SPOUT1: variants seen among roughly 807,000 people sequenced by gnomAD.
The protein encoded by SPOUT1 is 28S rRNA (uridine-N(3))-methyltransferase.
SPOUT1 carries 40 observed loss-of-function variants against 54.8 expected under a neutral mutation model. That is an observed-to-expected ratio of 0.73 (90% confidence interval 0.57 to 0.95). The LOEUF (loss-of-function observed/expected upper bound fraction) is 0.95, where lower values mean the gene tolerates loss of function less well. SPOUT1 is among the 40% of genes least tolerant of loss of function. SPOUT1 has a pLI of 0.00. For missense variants in SPOUT1, 437 were observed against 499.5 expected, an observed-to-expected ratio of 0.87 and a Z score of 1.19; for synonymous variants, 193 against 200.3, an observed-to-expected ratio of 0.96 and a Z score of 0.31.
Position 128,826,592 on chromosome 9 carries a change from CCTT to C in SPOUT1, c.403_405del (p.Lys135del), listed in dbSNP as rs750069387. On this transcript the variant is annotated inframe_deletion, in exon 5 of 12. Coordinates refer to ENST00000361256, the MANE Select transcript of SPOUT1 (RefSeq NM_016390.4). This position sits in a 1 kb window ranked among gnomAD's most constrained non-coding sequence, Gnocchi z 5.5. ...CGGGCCAGCTGTACGCACGCCTGCC[CCTT>C]CTTCCCAACTCCTGTGAATTCCCCC... 6.2e-6 allele frequency: 10 copies of C among 1,600,776 alleles called. No individual in the cohort carries two copies. The South Asian group carries it at 9.0e-5, about 14-fold the overall frequency.
rs894741067 is a variant in SPOUT1 at position 128,822,196 on chromosome 9, G to C, written c.*569C>G. 15 of 1,071,944 alleles carry C rather than the reference G, an allele frequency of 1.4e-5. No homozygotes were observed. The African/African-American group carries it at 1.6e-4, about 11-fold the overall frequency. The allele number at this position is 1,071,944 out of a possible 1,614,324, so 66.4% of individuals were successfully genotyped here. The stretch of plus-strand genomic sequence containing the variant: ...TCAAGGAGGAGCCAGGCAGGCTACA[G>C]AAGTCTCACAGTGAGGGCGTGGTCC... On this transcript the variant is annotated 3_prime_UTR_variant, in exon 12 of 12. Transcript: ENST00000361256.
intron 10 of SPOUT1, 84 bp downstream of exon 10, chr9:128,823,988 G>A: frequency 1.3e-6 from 2 of 1,580,498 alleles, no homozygotes; most frequent in East Asian, 4.5e-5. Context: ...CAGACAGCAG[G>A]GGCCCATCTG....
chr9:128,824,723 C>T (rs770753854), intron 9 of SPOUT1, 48 bp downstream of exon 9: 1 of 1,459,014 alleles, frequency 6.9e-7, no homozygotes, highest in South Asian at 1.1e-5. Context: ...TCCCGGCCAC[C>T]TCCCAGAGGG....
intron 2 of SPOUT1, 88 bp downstream of exon 2, chr9:128,829,022 G>A (rs1317610509): frequency 5.9e-6 from 9 of 1,515,482 alleles, no homozygotes; most frequent in Non-Finnish European, 8.3e-6. Flanking sequence ...AGGACCCAGA[G>A]GGAACAAAGT....
In SPOUT1 at chr9:128,822,531, G is replaced by A. The variant is rs372905404; in HGVS notation, c.*234C>T. 1.3e-5 allele frequency: 21 copies of A among 1,558,908 alleles called. No homozygotes were observed. Among genetic ancestry groups the A allele is most frequent in the East Asian group, 4.8e-5 (2 of 41,878 alleles). On this transcript the variant is annotated 3_prime_UTR_variant, in exon 12 of 12. Coordinates refer to ENST00000361256, the MANE Select transcript of SPOUT1 (RefSeq NM_016390.4). ...CTGGTGCCCATCGAGAGCATTGAGCGGGCTTCGGGGCTGCTCTTTGTGCCA... is the reference window on the plus strand; with the variant it reads ...CTGGTGCCCATCGAGAGCATTGAGCAGGCTTCGGGGCTGCTCTTTGTGCCA...
At chr9:128,824,320 G>A (rs1239957626) in intron 9 of SPOUT1, 146 bp from the exon 10 acceptor site, 1 of 627,048 alleles carries the variant, frequency 1.6e-6, no homozygotes, top group Non-Finnish European at 2.9e-6. Flanking sequence ...ACTAAGGTAG[G>A]GGTGGGTGGG....
In SPOUT1 at chr9:128,822,525, T is replaced by A. The variant is rs186499200; in HGVS notation, c.*240A>T. On this transcript the variant is annotated 3_prime_UTR_variant, in exon 12 of 12. Transcript: ENST00000361256. ...CGCTTCCTGGTGCCCATCGAGAGCA[T>A]TGAGCGGGCTTCGGGGCTGCTCTTT... The A allele has an allele frequency of 2.6e-5, 40 of 1,559,564 alleles. No homozygotes were observed. The highest frequency in any genetic ancestry group is 2.4e-4 in the South Asian group (20 of 84,710).
At chr9:128,829,177 G>A (rs771272925) in intron 1 of SPOUT1, 22 bp from the exon 2 acceptor site, 7 of 1,608,994 alleles carry the variant, frequency 4.4e-6, no homozygotes, top group South Asian at 1.1e-5. Flanking sequence ...GTGGTAGGAG[G>A]ATTATGAGTG....
intron 7 of SPOUT1, 146 bp from the exon 8 acceptor site, chr9:128,825,195 G>C (rs1009210866): frequency 3.1e-6 from 2 of 635,080 alleles, no homozygotes; most frequent in African/African-American, 3.7e-5. Flanking sequence ...CCTGGCACCG[G>C]CTGAACCTGC....
rs760899378 is a variant in SPOUT1 at position 128,823,836 on chromosome 9, G to A, written c.973C>T (p.Pro325Ser). ...CTGGGTTCAGCCACCTCCAGGTTGG[G>A]GTCAGCATCCGCTCCAGCTTCCAGA... The part of the protein sequence containing the change: ...QGLEAGADAD[P>S]NLEVAEPSVL... The change falls in exon 11 of 12, where the codon CCC becomes TCC. Residue 325 changes from proline (P) to serine (S), a missense_variant. Coordinates refer to ENST00000361256, the MANE Select transcript of SPOUT1 (RefSeq NM_016390.4). 1 of 1,612,650 alleles carries A rather than the reference G, an allele frequency of 6.2e-7. No homozygotes were observed. The highest frequency in any genetic ancestry group is 1.1e-5 in the South Asian group (1 of 90,792).
At chr9:128,829,689 T>C in intron 1 of SPOUT1, 56 bp downstream of exon 1, 1 of 1,384,178 alleles carries the variant, frequency 7.2e-7, no homozygotes, top group South Asian at 1.2e-5. Context: ...CCCACGCCAC[T>C]GGTTCTCACG....
chr9:128,824,071 C>T lies in SPOUT1; in HGVS notation c.914+1G>A. The T allele has an allele frequency of 1.2e-6, 2 of 1,612,452 alleles. No individual in the cohort carries two copies. The highest frequency in any genetic ancestry group is 1.7e-6 in the Non-Finnish European group (2 of 1,178,976). On this transcript the variant is annotated splice_donor_variant, in intron 10 of 11. Transcript: ENST00000361256. LOFTEE classifies it high-confidence loss of function. ...TGGCCGCAGCCCCAGGAGGTACACA[C>T]CTGAAGTTGGGAAGCTGGGCAGAGG... is the stretch of plus-strand genomic sequence containing the variant.
chr9:128,826,467 G>A lies in SPOUT1; in HGVS notation c.459-34C>T. On this transcript the variant is annotated intron_variant, in intron 5 of 11. Transcript: ENST00000361256. The surrounding 1 kb of genome is among the most constrained non-coding windows in gnomAD (Gnocchi z 5.5). ...GAATGCTGACCTCAGGATGTTCCCA[G>A]GGGAAGCCGCCTCCTACCTGGTCTC... 1.2e-6 allele frequency: 2 copies of A among 1,613,262 alleles called. No homozygotes were observed. The highest frequency in any genetic ancestry group is 1.7e-6 in the Non-Finnish European group (2 of 1,179,276).
In SPOUT1 at chr9:128,820,918, C is replaced by A; in HGVS notation, c.*1847G>T. The A allele has an allele frequency of 7.1e-7, 1 of 1,400,840 alleles. No homozygotes were observed. The highest frequency in any genetic ancestry group is 1.2e-5 in the South Asian group (1 of 81,408). The allele number at this position is 1,400,840 out of a possible 1,614,324, so 86.8% of individuals were successfully genotyped here. On this transcript the variant is annotated 3_prime_UTR_variant, in exon 12 of 12. Coordinates refer to ENST00000361256, the MANE Select transcript of SPOUT1 (RefSeq NM_016390.4). ...AGGCCCCTACTGCCACTCACAGGGC[C>A]AGGCTTGCCCCAGGCTCTGGGTCAA... is the stretch of plus-strand genomic sequence containing the variant.
intron 2 of SPOUT1, 44 bp downstream of exon 2, chr9:128,829,066 G>A: frequency 6.4e-7 from 1 of 1,567,564 alleles, no homozygotes; most frequent in Non-Finnish European, 8.8e-7. Context: ...CTGAGCACTG[G>A]TGGAGTGGCC....
chr9:128,828,495 CAAAAA>C (rs11475667), intron 3 of SPOUT1, among the ~76,000 whole-genome samples: 2 of 141,822 alleles, frequency 1.4e-5, no homozygotes, highest in African/African-American at 5.2e-5. Context: ...GACTCCATCT[CAAAAA>C]AAAAAAAAAA....
intron 1 of SPOUT1, among the ~76,000 whole-genome samples, chr9:128,829,397 A>G (rs1356346997): frequency 6.6e-6 from 1 of 152,216 alleles, no homozygotes; most frequent in Admixed American, 6.5e-5. Context: ...CCCACAAAAC[A>G]GAAGAGAAAA....
rs1328554292 is a variant in SPOUT1, at chr9:128,822,566, G to C, written c.*199C>G. ...GCTGCTCTTTGTGCCAAACATCCTGGCGCGGGCAGGCAGCCTCAAGGCCAT... is the reference window on the plus strand; with the variant it reads ...GCTGCTCTTTGTGCCAAACATCCTGCCGCGGGCAGGCAGCCTCAAGGCCAT... On this transcript the variant is annotated 3_prime_UTR_variant, in exon 12 of 12. Coordinates refer to ENST00000361256, the MANE Select transcript of SPOUT1 (RefSeq NM_016390.4). 1 of 1,565,144 alleles carries C rather than the reference G, an allele frequency of 6.4e-7. No individual in the cohort carries two copies. The highest frequency in any genetic ancestry group is 8.7e-7 in the Non-Finnish European group (1 of 1,154,578).
chr9:128,825,194 G>A (rs536709130), intron 7 of SPOUT1, 145 bp from the exon 8 acceptor site: 52 of 636,708 alleles, frequency 8.2e-5, no homozygotes, highest in Non-Finnish European at 1.3e-4. Flanking sequence ...CCCTGGCACC[G>A]GCTGAACCTG....
Sources: gnomAD v4.1 joint callset for allele counts (sites outside exome capture counted in the v4.1 genomes callset) on GRCh38, gnomAD v4.1.1 for gene constraint, Gnocchi (gnomAD v3.1) non-coding constraint, MANE v1.5 for transcripts, NCBI Gene and HGNC (gene_info 2026-07-23, HGNC 2026-07-21) for gene names.